SIN3B: variants seen among roughly 807,000 people sequenced by gnomAD.
The protein encoded by SIN3B is paired amphipathic helix protein Sin3b.
SIN3B carries 19 observed loss-of-function variants against 120.2 expected under a neutral mutation model. The ratio of observed to expected loss-of-function variants is 0.16; its 90% confidence interval spans 0.11 to 0.23. The LOEUF is 0.23. SIN3B is among the 10% of genes least tolerant of loss of function. The probability of loss-of-function intolerance (pLI) is 1.00; values close to 1 mark genes in which losing one functional copy is unlikely to be tolerated. For missense variants in SIN3B, 1,073 were observed against 1,573.0 expected, an observed-to-expected ratio of 0.68 and a Z score of 5.38; for synonymous variants, 654 against 653.2, an observed-to-expected ratio of 1.00 and a Z score of -0.02.
intron 10 of SIN3B, among the ~76,000 whole-genome samples, chr19:16,864,606 A>T (rs760120490): frequency 2.8e-4 from 42 of 152,106 alleles, no homozygotes; most frequent in Non-Finnish European, 5.6e-4. Context: ...TGCTGAGATT[A>T]AAGGAATGAG....
intron 11 of SIN3B, among the ~76,000 whole-genome samples, chr19:16,866,145 G>A (rs1475349483): frequency 6.6e-6 from 1 of 152,184 alleles, no homozygotes; most frequent in South Asian, 2.1e-4. Context: ...AGTGCTGGGT[G>A]CCAGGGAGGA....
intron 12 of SIN3B, among the ~76,000 whole-genome samples, chr19:16,868,406 C>T (rs2144618587): frequency 6.6e-6 from 1 of 152,338 alleles, no homozygotes; most frequent in East Asian, 1.9e-4. Flanking sequence ...AAGAGCCCTG[C>T]TGCGTCTGCC....
In SIN3B at chr19:16,851,397, C is replaced by T. The variant is rs1334981592; in HGVS notation, c.727-15C>T. The T allele has an allele frequency of 6.3e-7, 1 of 1,582,064 alleles. No individual in the cohort carries two copies. The highest frequency in any genetic ancestry group is 2.3e-5 in the East Asian group (1 of 43,094). On this transcript the variant is annotated splice_polypyrimidine_tract_variant and intron_variant, in intron 5 of 18. Coordinates refer to ENST00000248054, the MANE Select transcript of SIN3B (RefSeq NM_001297595.2). ...CACGTCTCCGGTGCTGACCACCTCC[C>T]ACATGTGTCCTTAGTTCACAGGAAA...
intron 8 of SIN3B, among the ~76,000 whole-genome samples, chr19:16,857,712 TCC>T: frequency 6.6e-6 from 1 of 152,208 alleles, no homozygotes; most frequent in East Asian, 1.9e-4. Context: ...ACCATTCCAG[TCC>T]CTGCCCCTCA....
chr19:16,876,975 T>G lies in SIN3B; in HGVS notation c.2859+397T>G. The G allele has an allele frequency of 5.0e-6, 1 of 199,746 alleles. No homozygotes were observed. Among genetic ancestry groups the G allele is most frequent in the Non-Finnish European group, 1.0e-5 (1 of 98,302 alleles). The allele number at this position is 199,746 out of a possible 1,614,324, so 12.4% of individuals were successfully genotyped here. On this transcript the variant is annotated intron_variant, in intron 16 of 18. Coordinates refer to ENST00000248054, the MANE Select transcript of SIN3B (RefSeq NM_001297595.2). This position sits in a 1 kb window ranked among gnomAD's most constrained non-coding sequence, Gnocchi z 7.1. ...TGGGCCCAGCTCCCAGTCACAATTT[T>G]TGCGGGGACAGATGTTTCCTGCTCA...
rs950509018 is a variant in SIN3B at position 16,878,935 on chromosome 19, C to T, written c.*208C>T. On this transcript the variant is annotated 3_prime_UTR_variant, in exon 19 of 19. Transcript: ENST00000248054. Reference sequence around the variant, plus strand: ...GTGCCAAACCTGAGCTACCTGCACCCGAGCCCTGGGGCTCAGCCCCACCAC... The same window carrying T: ...GTGCCAAACCTGAGCTACCTGCACCTGAGCCCTGGGGCTCAGCCCCACCAC... 1.2e-5 allele frequency: 7 copies of T among 573,314 alleles called. No homozygotes were observed. The highest frequency in any genetic ancestry group is 1.8e-5 in the Non-Finnish European group (6 of 326,610). The allele number at this position is 573,314 out of a possible 1,614,324, so 35.5% of individuals were successfully genotyped here. A position where few individuals can be genotyped will look rare whatever the true frequency, so the allele number is the denominator to read the frequency against.
Position 16,876,596 on chromosome 19 carries a change from G to A in SIN3B, c.2859+18G>A. On this transcript the variant is annotated intron_variant, in intron 16 of 18. Coordinates refer to ENST00000248054, the MANE Select transcript of SIN3B (RefSeq NM_001297595.2). This position sits in a 1 kb window ranked among gnomAD's most constrained non-coding sequence, Gnocchi z 7.1. ...AGGTCCAGGTGAGGCCCTGGCCCCA[G>A]TCTGTGCCACGCATACCAGGGAGCG... is the stretch of plus-strand genomic sequence containing the variant. 1 of 1,602,662 alleles carries A rather than the reference G, an allele frequency of 6.2e-7. No individual in the cohort carries two copies. Among genetic ancestry groups the A allele is most frequent in the Non-Finnish European group, 8.5e-7 (1 of 1,170,978 alleles).
At chr19:16,844,915 CAG>C (rs1285900839) in intron 4 of SIN3B, among the ~76,000 whole-genome samples, 4 of 152,092 alleles carry the variant, frequency 2.6e-5, no homozygotes, top group Non-Finnish European at 4.4e-5. Context: ...GCCCCTAGCA[CAG>C]GGGAACGCTG....
chr19:16,853,513 G>C (rs1410755583), intron 7 of SIN3B, among the ~76,000 whole-genome samples: 3 of 152,274 alleles, frequency 2.0e-5, no homozygotes, highest in Non-Finnish European at 4.4e-5. Context: ...GTGTGCATGG[G>C]CTGTGAATTG....
chr19:16,863,050 G>T, intron 9 of SIN3B: 4 of 1,146,972 alleles, frequency 3.5e-6, no homozygotes, highest in Non-Finnish European at 5.3e-6. Flanking sequence ...CTGTCACACA[G>T]ACACAACCAT....
intron 8 of SIN3B, among the ~76,000 whole-genome samples, chr19:16,858,103 C>T (rs753544976): frequency 1.4e-4 from 22 of 152,180 alleles, no homozygotes; most frequent in Non-Finnish European, 3.2e-4. Flanking sequence ...TCTCAAACTC[C>T]TGGCCTCAAG....
At chr19:16,852,623 A>C (rs909403056) in intron 6 of SIN3B, among the ~76,000 whole-genome samples, 1 of 152,142 alleles carries the variant, frequency 6.6e-6, no homozygotes, top group African/African-American at 2.4e-5. Flanking sequence ...CGTGCATCCA[A>C]GTTCAGGTCC....
chr19:16,866,529 C>A lies in SIN3B; in HGVS notation c.1779C>A (p.Leu593=). Residue 593 remains leucine, a synonymous_variant, in exon 12 of 19, where the codon CTC becomes CTA. Transcript: ENST00000248054. ...DTKALRSKSL[L]NEIESVYDEH... is the part of the protein sequence containing the mutation. Reference sequence around the variant, plus strand: ...AGGCCCTGCGCTCCAAGAGCTTGCTCAACGAGATCGAGAGCGTCTACGACG... The same window carrying A: ...AGGCCCTGCGCTCCAAGAGCTTGCTAAACGAGATCGAGAGCGTCTACGACG... 6.2e-7 allele frequency: 1 copy of A among 1,613,914 alleles called. No homozygotes were observed. The highest frequency in any genetic ancestry group is 1.1e-5 in the South Asian group (1 of 91,062).
Position 16,878,633 on chromosome 19 carries a change from T to G in SIN3B, c.3299T>G (p.Val1100Gly). ...ATGGGTGAGGAGGACGAGGACATGGTACCCTGCAAGACGCTGTGTGAGACA... is the reference window on the plus strand; with the variant it reads ...ATGGGTGAGGAGGACGAGGACATGGGACCCTGCAAGACGCTGTGTGAGACA... Reference protein sequence around the residue: ...WLMGEEDEDMVPCKTLCETVH... With the variant: ...WLMGEEDEDMGPCKTLCETVH... The change falls in exon 19 of 19, where the codon GTA becomes GGA. Residue 1100 changes from valine to glycine, a missense_variant. Val to Gly is a moderately radical substitution (Grantham distance 109, BLOSUM62 -3). This residue lies in a region of SIN3B where 311 missense variants were observed against 400.3 expected (regional missense o/e 0.78). Transcript: ENST00000248054. The G allele has an allele frequency of 3.7e-6, 6 of 1,613,454 alleles. No individual in the cohort carries two copies. Among genetic ancestry groups the G allele is most frequent in the Non-Finnish European group, 5.1e-6 (6 of 1,179,752 alleles).
At chr19:16,865,387 C>A (rs1971753812) in intron 10 of SIN3B, 23 bp from the exon 11 acceptor site, 1 of 1,567,050 alleles carries the variant, frequency 6.4e-7, no homozygotes, top group African/African-American at 1.4e-5. Context: ...GTGGCTGACC[C>A]CGTCCTGCCT....
intron 14 of SIN3B, among the ~76,000 whole-genome samples, chr19:16,875,220 T>TTGGTC (rs958347711): frequency 3.6e-5 from 5 of 138,838 alleles, no homozygotes; most frequent in East Asian, 2.4e-4. Flanking sequence ...CTGGTCTGGT[T>TTGGTC]TGGTCTGGTC....
chr19:16,836,161 C>T (rs1971346588), intron 3 of SIN3B, among the ~76,000 whole-genome samples: 2 of 152,182 alleles, frequency 1.3e-5, no homozygotes, highest in Admixed American at 1.3e-4. Context: ...CCGTCCTGCA[C>T]ACTGAAGGGT....
At chr19:16,858,520 A>G (rs565901035) in intron 8 of SIN3B, among the ~76,000 whole-genome samples, 8 of 152,216 alleles carry the variant, frequency 5.3e-5, no homozygotes, top group African/African-American at 1.9e-4. Flanking sequence ...TAATGAATTC[A>G]TGGACTTAAA....
intron 3 of SIN3B, among the ~76,000 whole-genome samples, chr19:16,832,205 T>C (rs1971287398): frequency 2.2e-5 from 1 of 46,226 alleles, no homozygotes; most frequent in Admixed American, 1.6e-4. Flanking sequence ...TTTTTTTTTT[T>C]TTTTTTTTTG....
Sources: allele counts gnomAD v4.1 joint callset (sites outside exome capture counted in the v4.1 genomes callset), GRCh38; gene constraint gnomAD v4.1.1; regional missense constraint gnomAD v4.1.1; non-coding constraint Gnocchi (gnomAD v3.1); transcripts MANE v1.5; gene names NCBI Gene and HGNC (gene_info 2026-07-23, HGNC 2026-07-21).